The following ZGRF1 variants were observed in gnomAD, a reference collection of about 807,000 sequenced individuals.
ZGRF1 encodes the protein 5'-3' DNA helicase ZGRF1.
A neutral mutation model predicts 203.5 loss-of-function variants in ZGRF1; 196 were observed. The observed-to-expected ratio is 0.96, with a 90% confidence interval of 0.86 to 1.08. The LOEUF (loss-of-function observed/expected upper bound fraction) is 1.08. Ranked by LOEUF, ZGRF1 falls within the 50% of genes least tolerant of loss-of-function variation. The probability of loss-of-function intolerance (pLI) is 0.00; values close to 1 mark genes in which losing one functional copy is unlikely to be tolerated. For synonymous variants in ZGRF1, 809 were observed against 841.3 expected (o/e 0.96, Z 0.66); for missense variants, 2,326 against 2,416.3 (o/e 0.96, Z 0.78).
Position 112,606,064 on chromosome 4 carries a change from T to C in ZGRF1, c.2746A>G (p.Thr916Ala). Residue 916 changes from threonine (T) to alanine (A), a missense_variant, in exon 9 of 28, where the codon ACT becomes GCT. Coordinates refer to ENST00000505019, the MANE Select transcript of ZGRF1 (RefSeq NM_018392.5). ...QFSSSGSKEE[T>A]AFQAVIPKQI... ...TTAGGAATAACAGCTTGAAAAGCAG[T>C]CTCTTCTTTACTTCCCGAGGAAGAG... 1 of 1,603,708 alleles carries C rather than the reference T, an allele frequency of 6.2e-7. No homozygotes were observed. The highest frequency in any genetic ancestry group is 8.5e-7 in the Non-Finnish European group (1 of 1,174,700).
intron 6 of ZGRF1, among the ~76,000 whole-genome samples, chr4:112,616,494 C>A (rs1225002255): frequency 6.9e-6 from 1 of 145,672 alleles, no homozygotes. Context: ...CACTGCACTC[C>A]AGCCTGGGTG....
chr4:112,603,896 A>G (rs1374564805), intron 9 of ZGRF1, among the ~76,000 whole-genome samples, 199 bp from the exon 10 acceptor site: 1 of 152,152 alleles, frequency 6.6e-6, no homozygotes. Context: ...TTCAAAGTGC[A>G]TCGATTTAAC....
intron 9 of ZGRF1, among the ~76,000 whole-genome samples, chr4:112,603,971 C>T (rs1039463262): frequency 2.6e-5 from 4 of 152,102 alleles, no homozygotes; most frequent in Non-Finnish European, 5.9e-5. Flanking sequence ...ATCTGTAATT[C>T]CTGCACTTTG....
At chr4:112,544,587 G>A (rs1738377521) in intron 24 of ZGRF1, among the ~76,000 whole-genome samples, 1 of 152,184 alleles carries the variant, frequency 6.6e-6, no homozygotes, top group African/African-American at 2.4e-5. Flanking sequence ...ACTTTGATGG[G>A]ACACCACCAT....
At chr4:112,609,546 C>T (rs1364443002) in intron 7 of ZGRF1, 117 bp from the exon 8 acceptor site, 4 of 363,358 alleles carry the variant, frequency 1.1e-5, no homozygotes, top group South Asian at 9.9e-5. Flanking sequence ...TGGCTCACAC[C>T]TGTAATCCCA....
At chr4:112,611,551 C>T (rs1208969107) in intron 7 of ZGRF1, among the ~76,000 whole-genome samples, 4 of 152,218 alleles carry the variant, frequency 2.6e-5, no homozygotes, top group Non-Finnish European at 4.4e-5. Context: ...GTGAGAAACA[C>T]TCATCTAGAT....
intron 24 of ZGRF1, among the ~76,000 whole-genome samples, chr4:112,546,459 G>C (rs919039365): frequency 1.3e-5 from 2 of 152,132 alleles, no homozygotes; most frequent in Non-Finnish European, 2.9e-5. Context: ...TTTAAAAAAT[G>C]GTTTTATGTT....
Position 112,587,308 on chromosome 4 carries a change from C to G in ZGRF1, c.3749G>C (p.Cys1250Ser). Residue 1250 changes from cysteine (C) to serine (S), a missense_variant, in exon 12 of 28, where the codon TGC becomes TCC. Physicochemically the swap from Cys to Ser is moderately radical, Grantham distance 112. Transcript: ENST00000505019. ...EIKNVLGGST[C>S]YNYSVKDLQE... Reference sequence around the variant, plus strand: ...TAAATCCTTTACACTGTAGTTGTAGCAGGTAGACCCTCCTAATACATTTTT... The same window carrying G: ...TAAATCCTTTACACTGTAGTTGTAGGAGGTAGACCCTCCTAATACATTTTT... 2.5e-6 allele frequency: 4 copies of G among 1,611,554 alleles called. No individual in the cohort carries two copies. The highest frequency in any genetic ancestry group is 3.4e-6 in the Non-Finnish European group (4 of 1,179,062).
chr4:112,617,384 T>C lies in ZGRF1; in HGVS notation c.2602+56A>G, dbSNP rs77394688. On this transcript the variant is annotated intron_variant, in intron 6 of 27. Transcript: ENST00000505019. Reference sequence around the variant, plus strand: ...TCACCCAGAGCTAATATCTTCTTTCTTTATAGCTCAAAGACCTATAAAGAA... The same window carrying C: ...TCACCCAGAGCTAATATCTTCTTTCCTTATAGCTCAAAGACCTATAAAGAA... 926 of 1,294,858 alleles carry C rather than the reference T, an allele frequency of 7.2e-4. 3 individuals carry two copies. Among genetic ancestry groups the C allele is most frequent in the East Asian group, 7.0e-3 (299 of 42,494 alleles). The allele number at this position is 1,294,858 out of a possible 1,614,324, so 80.2% of individuals were successfully genotyped here. A position where few individuals can be genotyped will look rare whatever the true frequency, so the allele number is the denominator to read the frequency against.
At chr4:112,598,958 G>C (rs1270070877) in intron 10 of ZGRF1, among the ~76,000 whole-genome samples, 1 of 151,974 alleles carries the variant, frequency 6.6e-6, no homozygotes, top group South Asian at 2.1e-4. Flanking sequence ...GGCTAAGGTG[G>C]GGGAATCACT....
At chr4:112,636,629 G>C (rs778967165) in intron 1 of ZGRF1, 4 of 152,042 alleles carry the variant, frequency 2.6e-5, no homozygotes, top group Non-Finnish European at 5.9e-5. Context: ...AGCCCTCTTT[G>C]GTCCTCATAC....
At chr4:112,615,371 G>A (rs2046830938) in intron 6 of ZGRF1, among the ~76,000 whole-genome samples, 3 of 152,012 alleles carry the variant, frequency 2.0e-5, no homozygotes, top group Middle Eastern at 3.4e-3. Flanking sequence ...TAGATTACAG[G>A]TCCCCACCAC....
At position 112,579,913 on chromosome 4, in the gene ZGRF1, A is replaced by G. The variant is rs1429434618; in HGVS notation, c.4438+1750T>C. ...CCAATGACTTTCTTCACAGAATTGG[A>G]AAAAACTACTTTGAAGTTCACATGG... On this transcript the variant is annotated intron_variant, in intron 16 of 27. Coordinates refer to ENST00000505019, the MANE Select transcript of ZGRF1 (RefSeq NM_018392.5). Among the ~76,000 whole-genome samples, 2 of 123,008 alleles carry G rather than the reference A, an allele frequency of 1.6e-5. 1 individual carries two copies. Among genetic ancestry groups the G allele is most frequent in the African/African-American group, 5.6e-5 (2 of 35,460 alleles). 80.7% of individuals were successfully genotyped at this position (123,008 alleles called of 152,430 possible). A position where few individuals can be genotyped will look rare whatever the true frequency, so the allele number is the denominator to read the frequency against.
At chr4:112,610,552 T>C (rs1373890691) in intron 7 of ZGRF1, among the ~76,000 whole-genome samples, 4 of 149,360 alleles carry the variant, frequency 2.7e-5, no homozygotes, top group Admixed American at 6.7e-5. Context: ...GCCTGGGCAA[T>C]AGAGCAAGAC....
At position 112,619,636 on chromosome 4, in the gene ZGRF1, C is replaced by T. The variant is rs2047000711; in HGVS notation, c.406G>A (p.Glu136Lys). ...TTAGCCTCATGTGATGCAGCTGATTCACCACTTTCCATAATAACCATTTTC... is the reference window on the plus strand; with the variant it reads ...TTAGCCTCATGTGATGCAGCTGATTTACCACTTTCCATAATAACCATTTTC... Reference protein sequence around the residue: ...PKKMVIMESGESAASHEAKKT... With the variant: ...PKKMVIMESGKSAASHEAKKT... The change falls in exon 6 of 28, where the codon GAA becomes AAA. Residue 136 changes from glutamate to lysine, a missense_variant. Coordinates refer to ENST00000505019, the MANE Select transcript of ZGRF1 (RefSeq NM_018392.5). 1.2e-6 allele frequency: 2 copies of T among 1,612,742 alleles called. No individual in the cohort carries two copies. Among genetic ancestry groups the T allele is most frequent in the East Asian group, 2.2e-5 (1 of 44,858 alleles).
At position 112,618,507 on chromosome 4, in the gene ZGRF1, CT is replaced by C; in HGVS notation, c.1534del (p.Ser512ValfsTer9). ...MISESKMDNE[S>X]LNSIHESLSN... ...CAGAGATTCATGAATACTATTAAGA[CT>C]TTCATTATCCATTTTACTTTCAGAA... On this transcript the variant is annotated frameshift_variant, in exon 6 of 28. Transcript: ENST00000505019. LOFTEE classifies it high-confidence loss of function. The C allele has an allele frequency of 6.2e-7, 1 of 1,612,842 alleles. No homozygotes were observed. Among genetic ancestry groups the C allele is most frequent in the South Asian group, 1.1e-5 (1 of 91,022 alleles).
chr4:112,582,453 C>CT (rs1351230605), intron 15 of ZGRF1, among the ~76,000 whole-genome samples: 1 of 151,792 alleles, frequency 6.6e-6, no homozygotes, highest in Non-Finnish European at 1.5e-5. Context: ...CTATATCTGG[C>CT]TTTTTCCTTT....
In ZGRF1 at chr4:112,584,041, C is replaced by T. The variant is rs749434740; in HGVS notation, c.4235G>A (p.Ser1412Asn). 30 of 1,613,384 alleles carry T rather than the reference C, an allele frequency of 1.9e-5. No individual in the cohort carries two copies. Among genetic ancestry groups the T allele is most frequent in the Non-Finnish European group, 2.4e-5 (28 of 1,179,726 alleles). Residue 1412 changes from serine to asparagine, a missense_variant, in exon 15 of 28, where the codon AGT (serine) becomes AAT (asparagine). Physicochemically the swap from Ser to Asn is conservative, Grantham distance 46. Coordinates refer to ENST00000505019, the MANE Select transcript of ZGRF1 (RefSeq NM_018392.5). ...TTGACTTCTTAAATATAAGCCAATA[C>T]TCTTAATATCACTTAAAACCATGCC... ...RPGMVLSDIK[S>N]IGLYLRSQKI...
At position 112,560,990 on chromosome 4, in the gene ZGRF1, G is replaced by A. The variant is rs17605622; in HGVS notation, c.4703C>T (p.Ser1568Leu). 131,668 of 1,600,388 alleles carry A rather than the reference G, an allele frequency of 0.082. 6,269 individuals are homozygous for A. The highest frequency in any genetic ancestry group is 0.093 in the Non-Finnish European group (109,217 of 1,169,190). ...PLTQYLLTTSSPTIVSNKRVS... is the reference protein window; with the variant it reads ...PLTQYLLTTSLPTIVSNKRVS... ...TCTTTTGTTACTAACTATAGTTGGCGAAGACCTAATAAAAATGAAGCAAAT... is the reference window on the plus strand; with the variant it reads ...TCTTTTGTTACTAACTATAGTTGGCAAAGACCTAATAAAAATGAAGCAAAT... The change falls in exon 19 of 28, where the codon TCG becomes TTG. Residue 1568 changes from serine to leucine, a missense_variant. Transcript: ENST00000505019.
Sources: allele counts gnomAD v4.1 joint callset (sites outside exome capture counted in the v4.1 genomes callset), GRCh38; gene constraint gnomAD v4.1.1; transcripts MANE v1.5; gene names NCBI Gene and HGNC (gene_info 2026-07-23, HGNC 2026-07-21).